Variants in SPIDR observed in about 807,000 individuals in gnomAD.
SPIDR encodes scaffold protein involved in DNA repair, also known as DNA repair-scaffolding protein.
In SPIDR, 93 loss-of-function variants were observed where a neutral mutation model predicts 104.6. The observed-to-expected ratio is 0.89, with a 90% CI of 0.75 to 1.06. The LOEUF (loss-of-function observed/expected upper bound fraction) is 1.06, where lower values mean the gene tolerates loss of function less well. Among genes scored for constraint, SPIDR ranks in the 50% least tolerant of loss-of-function variants. SPIDR has a pLI of 0.00. For missense variants in SPIDR, 1,154 were observed against 1,111.2 expected (o/e 1.04, Z -0.55); for synonymous variants, 431 against 416.9 (o/e 1.03, Z -0.41).
intron 8 of SPIDR, among the ~76,000 whole-genome samples, chr8:47,550,268 T>G (rs1280745817): frequency 2.0e-5 from 3 of 152,254 alleles, no homozygotes; most frequent in Non-Finnish European, 2.9e-5. Context: ...TGGTTCCATA[T>G]GAACTTTAAA....
intron 8 of SPIDR, among the ~76,000 whole-genome samples, chr8:47,452,963 C>G (rs779806802): frequency 5.9e-5 from 9 of 152,110 alleles, no homozygotes; most frequent in Non-Finnish European, 1.3e-4. Context: ...TTAGAGGGCC[C>G]CATCATCGCA....
intron 1 of SPIDR, among the ~76,000 whole-genome samples, chr8:47,275,175 TGTGAACCCG>T (rs2036152917): frequency 6.6e-6 from 1 of 150,930 alleles, no homozygotes; most frequent in African/African-American, 2.4e-5. Flanking sequence ...AGGAGAATGG[TGTGAACCCG>T]GGAGGTGGAG....
At chr8:47,679,903 T>A (rs1363066161) in intron 11 of SPIDR, among the ~76,000 whole-genome samples, 1 of 152,266 alleles carries the variant, frequency 6.6e-6, no homozygotes, top group Non-Finnish European at 1.5e-5. Flanking sequence ...AAATAATTTG[T>A]ATTTGTGGGA....
intron 8 of SPIDR, among the ~76,000 whole-genome samples, chr8:47,548,195 TA>T (rs370001777): frequency 7.4e-4 from 112 of 152,326 alleles, no homozygotes; most frequent in African/African-American, 2.6e-3. Context: ...TGCCTTAAAC[TA>T]AAACTCAATA....
chr8:47,709,180 G>A (rs188994247), intron 14 of SPIDR, among the ~76,000 whole-genome samples: 85 of 152,028 alleles, frequency 5.6e-4, no homozygotes, highest in African/African-American at 1.7e-3. Context: ...TCTCTCTGTC[G>A]CCCACGCTGG....
chr8:47,600,851 G>T (rs1402075352), intron 10 of SPIDR, among the ~76,000 whole-genome samples: 2 of 152,160 alleles, frequency 1.3e-5, no homozygotes, highest in East Asian at 3.9e-4. Context: ...ACACTCCAAG[G>T]GGACGAGGAA....
intron 8 of SPIDR, among the ~76,000 whole-genome samples, chr8:47,589,639 T>G (rs912866492): frequency 6.6e-6 from 1 of 152,232 alleles, no homozygotes; most frequent in Non-Finnish European, 1.5e-5. Context: ...TTTGAGAAAT[T>G]TGTCCATTTC....
At chr8:47,596,200 G>C (rs1384957357) in intron 9 of SPIDR, among the ~76,000 whole-genome samples, 194 bp downstream of exon 9, 2 of 152,172 alleles carry the variant, frequency 1.3e-5, no homozygotes, top group Non-Finnish European at 2.9e-5. Context: ...TGGTGCTCTT[G>C]TTACAGTATT....
At chr8:47,444,421 C>G (rs1287416258) in intron 8 of SPIDR, among the ~76,000 whole-genome samples, 1 of 152,212 alleles carries the variant, frequency 6.6e-6, no homozygotes, top group East Asian at 1.9e-4. Context: ...TACTTTGCTT[C>G]TCCTCAGAAT....
chr8:47,307,787 C>T (rs1328764883), intron 5 of SPIDR, among the ~76,000 whole-genome samples: 1 of 151,938 alleles, frequency 6.6e-6, no homozygotes, highest in African/African-American at 2.4e-5. Flanking sequence ...GATCTTCCCG[C>T]CTTGGCCTTC....
intron 8 of SPIDR, among the ~76,000 whole-genome samples, chr8:47,467,819 C>T (rs77714100): frequency 6.6e-6 from 1 of 152,190 alleles, no homozygotes; most frequent in African/African-American, 2.4e-5. Flanking sequence ...CCCTCTCTCA[C>T]CACTCCTATT....
chr8:47,522,533 C>G (rs78771702), intron 8 of SPIDR, among the ~76,000 whole-genome samples: 75 of 152,234 alleles, frequency 4.9e-4, no homozygotes, highest in Admixed American at 1.2e-3. Flanking sequence ...CTCTATGTCC[C>G]GGTTACCAGC....
intron 14 of SPIDR, among the ~76,000 whole-genome samples, chr8:47,709,688 T>C (rs1411635110): frequency 1.3e-5 from 2 of 152,220 alleles, no homozygotes; most frequent in Non-Finnish European, 2.9e-5. Flanking sequence ...CTGACTTTGT[T>C]CATAACCCCA....
At chr8:47,546,557 G>C (rs886994521) in intron 8 of SPIDR, among the ~76,000 whole-genome samples, 13 of 151,992 alleles carry the variant, frequency 8.6e-5, no homozygotes, top group Non-Finnish European at 1.3e-4. Flanking sequence ...AACCAGATTT[G>C]TTTCATGAAT....
At chr8:47,305,031 A>G (rs968431132) in intron 5 of SPIDR, among the ~76,000 whole-genome samples, 1 of 152,230 alleles carries the variant, frequency 6.6e-6, no homozygotes, top group Non-Finnish European at 1.5e-5. Context: ...GCACCTTGAT[A>G]TTGGAATTTT....
chr8:47,442,884 G>T (rs1027788689), intron 8 of SPIDR, among the ~76,000 whole-genome samples: 4 of 152,096 alleles, frequency 2.6e-5, no homozygotes, highest in Non-Finnish European at 5.9e-5. Context: ...ATAGGCCTGA[G>T]CCACCAGGCC....
At chr8:47,603,902 C>T (rs1320990156) in intron 10 of SPIDR, among the ~76,000 whole-genome samples, 3 of 152,140 alleles carry the variant, frequency 2.0e-5, no homozygotes, top group Admixed American at 2.0e-4. Context: ...ATGTTTTACT[C>T]CTCTTTTTGG....
chr8:47,689,829 T>C (rs1334420683), intron 11 of SPIDR, among the ~76,000 whole-genome samples: 3 of 152,216 alleles, frequency 2.0e-5, no homozygotes, highest in African/African-American at 7.2e-5. Flanking sequence ...TGCAGGCTGC[T>C]TACTGATCAG....
intron 7 of SPIDR, among the ~76,000 whole-genome samples, chr8:47,417,996 C>T (rs547222285): frequency 2.0e-5 from 3 of 152,090 alleles, no homozygotes; most frequent in Non-Finnish European, 2.9e-5. Flanking sequence ...TCTGTTTTGG[C>T]ACCAGTACCA....
Sources: allele counts gnomAD v4.1 joint callset (sites outside exome capture counted in the v4.1 genomes callset), GRCh38; gene constraint gnomAD v4.1.1; transcripts MANE v1.5; gene names NCBI Gene and HGNC (gene_info 2026-07-23, HGNC 2026-07-21).